LINGO2: variants seen among roughly 807,000 people sequenced by gnomAD.
LINGO2 encodes leucine-rich repeat and immunoglobulin-like domain-containing nogo receptor-interacting protein 2.
A neutral mutation model predicts 30.6 loss-of-function variants in LINGO2; 14 were observed. The ratio of observed to expected loss-of-function variants is 0.46; its 90% CI spans 0.30 to 0.72. The LOEUF is 0.72. Among genes scored for constraint, LINGO2 ranks in the 30% least tolerant of loss-of-function variants. LINGO2 has a pLI of 0.07. For synonymous variants in LINGO2, 317 were observed against 288.5 expected (o/e 1.10, Z -1.00); for missense variants, 729 against 751.7 (o/e 0.97, Z 0.35).
chr9:29,074,922 C>T, the LINGO2 span, among the ~76,000 whole-genome samples: 2 of 151,808 alleles, frequency 1.3e-5, no homozygotes, highest in Non-Finnish European at 2.9e-5. Flanking sequence ...GTGATCCGCC[C>T]GCCTCGGCCT....
At chr9:29,087,751 A>G in the LINGO2 span, among the ~76,000 whole-genome samples, 1 of 152,124 alleles carries the variant, frequency 6.6e-6, no homozygotes, top group Non-Finnish European at 1.5e-5. Flanking sequence ...GATGCTAAGG[A>G]ATAGAAAAAT....
At chr9:29,126,331 A>T in the LINGO2 span, among the ~76,000 whole-genome samples, 1 of 151,972 alleles carries the variant, frequency 6.6e-6, no homozygotes, top group East Asian at 1.9e-4. Flanking sequence ...TAGCCTTCCT[A>T]GATCTGAGTT....
chr9:28,818,422 T>C, the LINGO2 span, among the ~76,000 whole-genome samples: 1 of 152,210 alleles, frequency 6.6e-6, no homozygotes, highest in African/African-American at 2.4e-5. Context: ...CTTGCTCTTG[T>C]CACCCAGGCT....
the LINGO2 span, among the ~76,000 whole-genome samples, chr9:28,955,644 T>C: frequency 6.6e-6 from 1 of 152,156 alleles, no homozygotes; most frequent in Non-Finnish European, 1.5e-5. Flanking sequence ...CTTTACTTTG[T>C]CACTTATCAA....
At chr9:28,493,116 G>A (rs1826464893) in intron 1 of LINGO2, among the ~76,000 whole-genome samples, 1 of 152,082 alleles carries the variant, frequency 6.6e-6, no homozygotes, top group Non-Finnish European at 1.5e-5. Flanking sequence ...TCCTTAGTTT[G>A]TGGCGTTTGT....
At chr9:29,066,301 G>A in the LINGO2 span, among the ~76,000 whole-genome samples, 1 of 151,968 alleles carries the variant, frequency 6.6e-6, no homozygotes, top group Non-Finnish European at 1.5e-5. Context: ...AGAGAAGAAT[G>A]TGGAAAATTC....
At chr9:28,098,329 C>CA (rs202030892) in intron 4 of LINGO2, among the ~76,000 whole-genome samples, 13,313 of 149,396 alleles carry the variant, frequency 0.089, 822 homozygotes, top group Middle Eastern at 0.18. Flanking sequence ...AAACAAAAAG[C>CA]AAAAAAAAAC....
chr9:28,470,862 A>G (rs1475497036), intron 2 of LINGO2, among the ~76,000 whole-genome samples: 2 of 148,804 alleles, frequency 1.3e-5, no homozygotes, highest in African/African-American at 2.4e-5. Context: ...TACAATTTAT[A>G]TATCTGTAAT....
chr9:28,935,718 T>A, the LINGO2 span, among the ~76,000 whole-genome samples: 1 of 151,848 alleles, frequency 6.6e-6, no homozygotes, highest in South Asian at 2.1e-4. Flanking sequence ...AAAACAAATC[T>A]GCAATATAGT....
chr9:28,613,694 T>C (rs1826014280), intron 1 of LINGO2, among the ~76,000 whole-genome samples: 1 of 152,088 alleles, frequency 6.6e-6, no homozygotes, highest in African/African-American at 2.4e-5. Flanking sequence ...GGGTAAGGCA[T>C]AAAGTAGTAT....
intron 4 of LINGO2, among the ~76,000 whole-genome samples, chr9:28,059,513 T>C (rs1825075790): frequency 6.6e-6 from 1 of 152,014 alleles, no homozygotes; most frequent in African/African-American, 2.4e-5. Flanking sequence ...GCCAAAAAGG[T>C]TACACTCAGG....
the LINGO2 span, among the ~76,000 whole-genome samples, chr9:29,035,795 G>C: frequency 2.0e-5 from 3 of 151,878 alleles, no homozygotes; most frequent in Non-Finnish European, 2.9e-5. Context: ...AAGCATTTTA[G>C]TCCCAATTTG....
intron 3 of LINGO2, among the ~76,000 whole-genome samples, chr9:28,327,559 A>G (rs532509108): frequency 1.3e-5 from 2 of 152,310 alleles, no homozygotes; most frequent in South Asian, 4.1e-4. Context: ...CCCAGTGTTT[A>G]ATTACCATAG....
chr9:28,535,310 A>G (rs138601553), intron 1 of LINGO2, among the ~76,000 whole-genome samples: 2 of 152,262 alleles, frequency 1.3e-5, no homozygotes, highest in African/African-American at 4.8e-5. Flanking sequence ...TCAAAATTAT[A>G]ATTAATGTTT....
chr9:29,021,220 A>G, the LINGO2 span, among the ~76,000 whole-genome samples: 1 of 152,192 alleles, frequency 6.6e-6, no homozygotes, highest in African/African-American at 2.4e-5. Flanking sequence ...CCTTGATCAG[A>G]TGAAACTCAA....
chr9:28,491,622 C>A (rs1239475253), intron 1 of LINGO2, among the ~76,000 whole-genome samples: 1 of 152,064 alleles, frequency 6.6e-6, no homozygotes, highest in Non-Finnish European at 1.5e-5. Context: ...TAAAATTAAA[C>A]CTAATTAAAC....
chr9:28,243,505 T>C (rs552892998), intron 4 of LINGO2, among the ~76,000 whole-genome samples: 8 of 147,794 alleles, frequency 5.4e-5, no homozygotes, highest in Non-Finnish European at 1.2e-4. Context: ...GCAAATTGGA[T>C]AAGGAGTCAA....
chr9:28,750,288 C>A, the LINGO2 span, among the ~76,000 whole-genome samples: 4 of 152,262 alleles, frequency 2.6e-5, no homozygotes, highest in East Asian at 7.7e-4. Flanking sequence ...AAGAACAACA[C>A]CCCAGTCCCA....
intron 4 of LINGO2, among the ~76,000 whole-genome samples, chr9:28,126,960 TAAAG>T (rs978988104): frequency 3.3e-5 from 5 of 152,198 alleles, no homozygotes; most frequent in African/African-American, 1.2e-4. Context: ...TTTTTATAAA[TAAAG>T]AATTTTGTTA....
Sources: gnomAD v4.1 joint callset for allele counts (sites outside exome capture counted in the v4.1 genomes callset) on GRCh38, gnomAD v4.1.1 for gene constraint, MANE v1.5 for transcripts, NCBI Gene and HGNC (gene_info 2026-07-23, HGNC 2026-07-21) for gene names.